INSC: variants seen among roughly 807,000 people sequenced by gnomAD.
The protein encoded by INSC is INSC spindle orientation adaptor protein, also known as protein inscuteable homolog.
In INSC, 67 loss-of-function variants were observed where a neutral mutation model predicts 58.6. That is an observed-to-expected ratio of 1.14 (90% CI 0.94 to 1.40). The LOEUF is 1.40. Among genes scored for constraint, INSC ranks in the 40% most tolerant of loss-of-function variants. INSC has a pLI of 0.00. For synonymous variants in INSC, 262 were observed against 276.1 expected (o/e 0.95, Z 0.51); for missense variants, 714 against 692.0 (o/e 1.03, Z -0.36).
intron 7 of INSC, among the ~76,000 whole-genome samples, chr11:15,220,844 C>A (rs1347453734): frequency 1.3e-5 from 2 of 152,208 alleles, no homozygotes; most frequent in African/African-American, 2.4e-5. Flanking sequence ...TTGCTTCTTA[C>A]TGGTTGGGCA....
chr11:15,232,030 A>G (rs1851944799), intron 9 of INSC, among the ~76,000 whole-genome samples: 1 of 152,164 alleles, frequency 6.6e-6, no homozygotes, highest in African/African-American at 2.4e-5. Flanking sequence ...TTCTTCTCGA[A>G]CCAGTGACAT....
chr11:15,146,865 G>C (rs1402849266), intron 1 of INSC, among the ~76,000 whole-genome samples: 1 of 151,818 alleles, frequency 6.6e-6, no homozygotes, highest in African/African-American at 2.4e-5. Context: ...TTTCTCTCTG[G>C]ATCCCTCAGA....
intron 9 of INSC, among the ~76,000 whole-genome samples, chr11:15,229,958 A>AAT: frequency 3.1e-5 from 1 of 32,222 alleles, no homozygotes; most frequent in East Asian, 8.9e-4. Context: ...TTATATATAT[A>AAT]TTTATATATA....
At chr11:15,257,647 T>C in the INSC span, among the ~76,000 whole-genome samples, 1,827 of 152,188 alleles carry the variant, frequency 0.012, 43 homozygotes, top group African/African-American at 0.041. Context: ...TGGAGTAGGA[T>C]GGGCCCTTAA....
downstream of INSC, among the ~76,000 whole-genome samples, chr11:15,247,653 G>A (rs1391959445): frequency 6.6e-6 from 1 of 151,008 alleles, no homozygotes; most frequent in African/African-American, 2.4e-5. Context: ...TGGAGCTGAA[G>A]TAGCAAGAAA....
intron 12 of INSC, among the ~76,000 whole-genome samples, chr11:15,242,588 C>T (rs1852398276): frequency 6.6e-6 from 1 of 152,188 alleles, no homozygotes; most frequent in Admixed American, 6.5e-5. Context: ...CTACCACTCT[C>T]TCCAGGCCCT....
intron 7 of INSC, among the ~76,000 whole-genome samples, chr11:15,217,439 A>G (rs1047953829): frequency 6.6e-6 from 1 of 152,220 alleles, no homozygotes; most frequent in African/African-American, 2.4e-5. Flanking sequence ...AGTAAAGGAT[A>G]GAGGCAGGAT....
chr11:15,198,246 T>C (rs890259047), intron 6 of INSC, among the ~76,000 whole-genome samples: 1 of 152,140 alleles, frequency 6.6e-6, no homozygotes, highest in African/African-American at 2.4e-5. Context: ...AGCTCAGACA[T>C]ATAGCTATTG....
intron 6 of INSC, among the ~76,000 whole-genome samples, chr11:15,198,908 G>A (rs747592698): frequency 6.6e-6 from 1 of 152,148 alleles, no homozygotes; most frequent in Non-Finnish European, 1.5e-5. Flanking sequence ...AGGTGTAAGT[G>A]TCTGTCTCAT....
intron 7 of INSC, among the ~76,000 whole-genome samples, chr11:15,219,243 G>A (rs1448559837): frequency 2.0e-5 from 3 of 152,142 alleles, no homozygotes; most frequent in African/African-American, 4.8e-5. Flanking sequence ...GACCTCACTT[G>A]GAGAAACAGG....
the INSC span, among the ~76,000 whole-genome samples, chr11:15,259,123 G>C: frequency 6.6e-6 from 1 of 152,168 alleles, no homozygotes; most frequent in African/African-American, 2.4e-5. Flanking sequence ...CAGTTCTCTG[G>C]ATCTGTGGGG....
chr11:15,211,109 A>T (rs1851009355), intron 7 of INSC, among the ~76,000 whole-genome samples: 1 of 140,606 alleles, frequency 7.1e-6, no homozygotes, highest in South Asian at 2.4e-4. Context: ...CTGGAAAGAC[A>T]CAAGCCCAGC....
At chr11:15,252,531 T>C in the INSC span, among the ~76,000 whole-genome samples, 20,735 of 152,224 alleles carry the variant, frequency 0.14, 1,505 homozygotes, top group Middle Eastern at 0.18. Context: ...TTCCTCTTCA[T>C]TGGAGCCTCT....
intron 1 of INSC, among the ~76,000 whole-genome samples, chr11:15,120,392 A>G (rs187504966): frequency 6.7e-4 from 102 of 152,300 alleles, no homozygotes; most frequent in African/African-American, 2.3e-3. Context: ...CAGGTACTAG[A>G]GGCACTAATG....
chr11:15,155,432 T>C (rs79337572), intron 2 of INSC, among the ~76,000 whole-genome samples: 7,174 of 152,322 alleles, frequency 0.047, 252 homozygotes, highest in Admixed American at 0.11. Flanking sequence ...TCCATAATGG[T>C]TTGTTTACAA....
chr11:15,220,042 C>T (rs1044143688), intron 7 of INSC, among the ~76,000 whole-genome samples: 5 of 152,218 alleles, frequency 3.3e-5, no homozygotes, highest in African/African-American at 1.2e-4. Flanking sequence ...CTCCTGTTTC[C>T]ACATTTGTCT....
chr11:15,246,702 A>T lies in INSC; in HGVS notation c.*662A>T, dbSNP rs1852577706. The T allele has an allele frequency of 6.6e-6, 1 of 152,350 alleles. No individual in the cohort carries two copies. The highest frequency in any genetic ancestry group is 1.5e-5 in the Non-Finnish European group (1 of 68,048). The allele number at this position is 152,350 out of a possible 1,614,324, so 9.4% of individuals were successfully genotyped here. ...AGAAACCAAAGTGACTTTCAAAAAT[A>T]CACCCAAAGGCACCAGAAACCCTGC... On this transcript the variant is annotated 3_prime_UTR_variant, in exon 13 of 13. Transcript: ENST00000379556.
At chr11:15,139,226 G>A (rs1035028691) in intron 1 of INSC, among the ~76,000 whole-genome samples, 1 of 152,162 alleles carries the variant, frequency 6.6e-6, no homozygotes, top group Admixed American at 6.5e-5. Context: ...TTTTCACCAC[G>A]TTGGAGCGAT....
intron 1 of INSC, among the ~76,000 whole-genome samples, chr11:15,120,795 C>A (rs1303317431): frequency 1.3e-5 from 2 of 152,162 alleles, no homozygotes; most frequent in African/African-American, 2.4e-5. Context: ...ATTCATTCAA[C>A]AAACATTTAT....
Sources: allele counts gnomAD v4.1 joint callset (sites outside exome capture counted in the v4.1 genomes callset), GRCh38; gene constraint gnomAD v4.1.1; transcripts MANE v1.5; gene names NCBI Gene and HGNC (gene_info 2026-07-23, HGNC 2026-07-21).